Variants in MAP1B observed in about 807,000 individuals in gnomAD.
MAP1B encodes the protein microtubule-associated protein 1B.
MAP1B carries 12 observed loss-of-function variants against 176.1 expected under a neutral mutation model. The ratio of observed to expected loss-of-function variants is 0.07; its 90% CI spans 0.04 to 0.11. MAP1B has a LOEUF of 0.11. MAP1B is among the 10% of genes least tolerant of loss of function. The pLI is 1.00. For synonymous variants in MAP1B, 1,044 were observed against 1,135.0 expected (o/e 0.92, Z 1.61); for missense variants, 2,523 against 2,990.5 (o/e 0.84, Z 3.65).
intron 4 of MAP1B, among the ~76,000 whole-genome samples, chr5:72,188,088 C>G (rs189183271): frequency 6.6e-6 from 1 of 152,192 alleles, no homozygotes; most frequent in African/African-American, 2.4e-5. Flanking sequence ...TCATTCATCT[C>G]GGTATCCATT....
Position 72,122,794 on chromosome 5 carries a change from C to T in MAP1B, c.286+6995C>T, listed in dbSNP as rs565866106. Among the ~76,000 whole-genome samples the T allele has an allele frequency of 2.0e-5, 3 of 152,162 alleles. No individual in the cohort carries two copies. In the South Asian group the frequency reaches 6.2e-4, roughly 32 times the overall value. On this transcript the variant is annotated intron_variant, in intron 2 of 6. Coordinates refer to ENST00000296755, the MANE Select transcript of MAP1B (RefSeq NM_005909.5). Reference sequence around the variant, plus strand: ...AAATGGGCTGCCTGGGCCCAGGAGCCATTTTAGGAGATGTCAATAACCCCT... The same window carrying T: ...AAATGGGCTGCCTGGGCCCAGGAGCTATTTTAGGAGATGTCAATAACCCCT...
At chr5:72,150,656 C>T (rs113031578) in intron 2 of MAP1B, among the ~76,000 whole-genome samples, 1,837 of 152,276 alleles carry the variant, frequency 0.012, 31 homozygotes, top group South Asian at 0.014. Context: ...TCCTCCCACC[C>T]TCCACCCTCC....
At chr5:72,171,696 C>T (rs893366237) in intron 2 of MAP1B, among the ~76,000 whole-genome samples, 21 of 152,056 alleles carry the variant, frequency 1.4e-4, no homozygotes, top group African/African-American at 4.8e-4. Flanking sequence ...TTTTGGTTTC[C>T]CAGACAGGGC....
At position 72,205,268 on chromosome 5, in the gene MAP1B, T is replaced by A; in HGVS notation, c.*29T>A. The A allele has an allele frequency of 6.3e-7, 1 of 1,575,742 alleles. No individual in the cohort carries two copies. The highest frequency in any genetic ancestry group is 8.6e-7 in the Non-Finnish European group (1 of 1,164,460). ...CCAAGGCCAGCCACACCACAGGATC[T>A]GAACTTTGTTTCCAGAAATTCTTCA... is the stretch of plus-strand genomic sequence containing the variant. On this transcript the variant is annotated 3_prime_UTR_variant, in exon 7 of 7. Coordinates refer to ENST00000296755, the MANE Select transcript of MAP1B (RefSeq NM_005909.5).
intron 2 of MAP1B, among the ~76,000 whole-genome samples, chr5:72,152,378 A>G (rs1160304686): frequency 1.3e-5 from 2 of 152,202 alleles, no homozygotes; most frequent in Non-Finnish European, 2.9e-5. Context: ...CATTATGTGG[A>G]CTGACACCAG....
At chr5:72,180,125 C>G (rs1411864052) in intron 2 of MAP1B, among the ~76,000 whole-genome samples, 1 of 152,118 alleles carries the variant, frequency 6.6e-6, no homozygotes, top group Non-Finnish European at 1.5e-5. Flanking sequence ...AGCTAGCGGG[C>G]TCAGGGCGTT....
At chr5:72,203,173 G>A in intron 5 of MAP1B, among the ~76,000 whole-genome samples, 1 of 152,082 alleles carries the variant, frequency 6.6e-6, no homozygotes, top group East Asian at 1.9e-4. Context: ...GTTTTCTTTT[G>A]ACTTTTAAAA....
intron 4 of MAP1B, among the ~76,000 whole-genome samples, chr5:72,189,015 G>A (rs1161548837): frequency 3.3e-5 from 5 of 152,100 alleles, no homozygotes; most frequent in Admixed American, 2.6e-4. Context: ...AATAACAAAC[G>A]GACCTTGAAG....
At chr5:72,115,878 CA>C in intron 2 of MAP1B, 79 bp downstream of exon 2, 1 of 954,182 alleles carries the variant, frequency 1.0e-6, no homozygotes, top group Non-Finnish European at 1.7e-6. Context: ...TCTGAGGCAG[CA>C]AAAAGACTCT....
At chr5:72,163,404 C>T (rs1746364246) in intron 2 of MAP1B, among the ~76,000 whole-genome samples, 1 of 152,008 alleles carries the variant, frequency 6.6e-6, no homozygotes, top group Non-Finnish European at 1.5e-5. Context: ...GCCTCTAGCC[C>T]AACATTTGTA....
chr5:72,131,398 G>A (rs1259638739), intron 2 of MAP1B, among the ~76,000 whole-genome samples: 1 of 152,040 alleles, frequency 6.6e-6, no homozygotes, highest in African/African-American at 2.4e-5. Flanking sequence ...TATAGGTATA[G>A]AGTACGCAGA....
intron 2 of MAP1B, among the ~76,000 whole-genome samples, chr5:72,121,206 C>T (rs1745523404): frequency 1.3e-5 from 2 of 152,210 alleles, no homozygotes; most frequent in Admixed American, 6.5e-5. Flanking sequence ...TGCCTCCTTG[C>T]TATGATAACC....
rs368982571 is a variant in MAP1B at position 72,186,945 on chromosome 5, C to T, written c.510+191C>T. Among the ~76,000 whole-genome samples the T allele has an allele frequency of 1.3e-4, 20 of 152,254 alleles. No homozygotes were observed. The highest frequency in any genetic ancestry group is 3.9e-4 in the African/African-American group (16 of 41,536). ...CAAAAGAATTTAGAGCACTCATTTA[C>T]AATTAATTGGAATCATTCTTAATGT... is the stretch of plus-strand genomic sequence containing the variant. On this transcript the variant is annotated intron_variant, in intron 4 of 6. Transcript: ENST00000296755. This position sits in a 1 kb window ranked among gnomAD's most constrained non-coding sequence, Gnocchi z 4.3.
chr5:72,179,948 C>G (rs10515140), intron 2 of MAP1B: 679,660 of 984,832 alleles, frequency 0.69, 235,820 homozygotes, highest in Non-Finnish European at 0.7. Flanking sequence ...TTGTTTGCAA[C>G]TGATGAAGCC....
intron 5 of MAP1B, among the ~76,000 whole-genome samples, chr5:72,200,649 T>C (rs1297521022): frequency 1.3e-5 from 2 of 152,176 alleles, no homozygotes; most frequent in African/African-American, 2.4e-5. Flanking sequence ...AGCCCTGTTC[T>C]AAATCTTCAG....
intron 1 of MAP1B, among the ~76,000 whole-genome samples, chr5:72,115,493 C>A (rs1049915781): frequency 1.6e-4 from 25 of 152,186 alleles, no homozygotes; most frequent in African/African-American, 6.0e-4. Context: ...GTCCACACTG[C>A]TAATTATCCC....
At position 72,197,714 on chromosome 5, in the gene MAP1B, T is replaced by G. The variant is rs781331857; in HGVS notation, c.4359T>G (p.Leu1453=). The change falls in exon 5 of 7, where the codon CTT becomes CTG. Residue 1453 remains leucine, a synonymous_variant. Transcript: ENST00000296755. ...SPVSEMTSTS[L]YQDKQEGKST... ...TTTCTGAAATGACTTCTACTAGTCT[T>G]TACCAAGACAAACAGGAAGGGAAAA... 3 of 1,613,862 alleles carry G rather than the reference T, an allele frequency of 1.9e-6. No homozygotes were observed. The African/African-American group carries it at 4.0e-5, about 22-fold the overall frequency.
At chr5:72,146,576 T>C (rs1746049121) in intron 2 of MAP1B, among the ~76,000 whole-genome samples, 1 of 152,210 alleles carries the variant, frequency 6.6e-6, no homozygotes, top group Admixed American at 6.5e-5. Context: ...GGCCCTATTA[T>C]TATCCTCATG....
At chr5:72,123,256 A>G (rs1403686970) in intron 2 of MAP1B, among the ~76,000 whole-genome samples, 1 of 152,198 alleles carries the variant, frequency 6.6e-6, no homozygotes, top group Non-Finnish European at 1.5e-5. Flanking sequence ...CAGCTTTAAA[A>G]TTCACTGTGT....
Sources: gnomAD v4.1 joint callset for allele counts (sites outside exome capture counted in the v4.1 genomes callset) on GRCh38, gnomAD v4.1.1 for gene constraint, Gnocchi (gnomAD v3.1) non-coding constraint, MANE v1.5 for transcripts, NCBI Gene and HGNC (gene_info 2026-07-23, HGNC 2026-07-21) for gene names.